The following ANTXR1 variants were observed in gnomAD, a reference collection of about 807,000 sequenced individuals.
ANTXR1 encodes anthrax toxin receptor 1.
Under a neutral mutation model 78.1 loss-of-function variants are expected in ANTXR1, and 19 were observed. That is an observed-to-expected ratio of 0.24 (90% CI 0.17 to 0.36). The LOEUF is 0.36. ANTXR1 is among the 10% of genes least tolerant of loss of function. The pLI is 1.00. For missense variants in ANTXR1, 518 were observed against 718.6 expected, an observed-to-expected ratio of 0.72 and a Z score of 3.19; for synonymous variants, 273 against 260.5, an observed-to-expected ratio of 1.05 and a Z score of -0.46.
At chr2:69,044,649 C>T (rs564340907) in intron 2 of ANTXR1, 93 bp from the exon 3 acceptor site, 19 of 1,365,700 alleles carry the variant, frequency 1.4e-5, no homozygotes, top group East Asian at 1.2e-4. Context: ...TTCTGGCAGC[C>T]GTGATAGAAA....
intron 16 of ANTXR1, chr2:69,183,004 G>T: frequency 3.5e-6 from 1 of 286,246 alleles, no homozygotes; most frequent in Non-Finnish European, 6.5e-6. Context: ...AAATCACCAT[G>T]GCAAGGTACT....
At chr2:69,200,091 A>G (rs1042842099) in intron 17 of ANTXR1, among the ~76,000 whole-genome samples, 2 of 152,252 alleles carry the variant, frequency 1.3e-5, no homozygotes, top group Non-Finnish European at 1.5e-5. Context: ...TTTTACTCCA[A>G]ATCGAACTCC....
At chr2:69,058,012 C>T (rs1670115560) in intron 3 of ANTXR1, among the ~76,000 whole-genome samples, 1 of 152,162 alleles carries the variant, frequency 6.6e-6, no homozygotes. Context: ...AAAGCTCTAA[C>T]TCTATTTCTA....
intron 17 of ANTXR1, among the ~76,000 whole-genome samples, chr2:69,210,445 T>G (rs1219085774): frequency 1.3e-5 from 2 of 152,244 alleles, no homozygotes; most frequent in Non-Finnish European, 2.9e-5. Context: ...AAAATGATTT[T>G]ATTCTTTCAC....
At chr2:69,165,773 T>C (rs1328816651) in intron 13 of ANTXR1, among the ~76,000 whole-genome samples, 2 of 152,194 alleles carry the variant, frequency 1.3e-5, no homozygotes, top group Non-Finnish European at 2.9e-5. Flanking sequence ...CACAAGACTG[T>C]AACAGTAGAG....
chr2:69,060,952 G>A (rs1670217658), intron 3 of ANTXR1, among the ~76,000 whole-genome samples: 1 of 152,116 alleles, frequency 6.6e-6, no homozygotes, highest in African/African-American at 2.4e-5. Context: ...AGGAAACTGA[G>A]AAATATTTAA....
Position 69,013,622 on chromosome 2 carries a change from C to T in ANTXR1, c.123C>T (p.Gly41=). ...RREDGGPACY[G]GFDLYFILDK... is the part of the protein sequence containing the mutation. ...AGGATGGGGGTCCAGCCTGCTACGG[C>T]GGATTTGACCTGTACTTCATTTTGG... Residue 41 remains glycine, a synonymous_variant, in exon 1 of 18, where the codon GGC becomes GGT. Coordinates refer to ENST00000303714, the MANE Select transcript of ANTXR1 (RefSeq NM_032208.3). The surrounding 1 kb of genome is among the most constrained non-coding windows in gnomAD (Gnocchi z 5.0). The T allele has an allele frequency of 6.4e-7, 1 of 1,555,332 alleles. No individual in the cohort carries two copies. Among genetic ancestry groups the T allele is most frequent in the Non-Finnish European group, 8.7e-7 (1 of 1,148,506 alleles).
intron 16 of ANTXR1, among the ~76,000 whole-genome samples, chr2:69,189,917 G>GATTTAATTGTAATTATTTTTAGGT: frequency 6.6e-6 from 1 of 152,310 alleles, no homozygotes; most frequent in East Asian, 1.9e-4. Context: ...TTACAATTAA[G>GATTTAATTGTAATTATTTTTAGGT]ATTTAATAGG....
chr2:69,106,462 G>C (rs932205592), intron 10 of ANTXR1, among the ~76,000 whole-genome samples: 1 of 152,218 alleles, frequency 6.6e-6, no homozygotes, highest in Non-Finnish European at 1.5e-5. Context: ...GCCAGGCTGC[G>C]GGCTGTGACC....
At chr2:69,130,405 A>T (rs1458029472) in intron 12 of ANTXR1, among the ~76,000 whole-genome samples, 1 of 152,210 alleles carries the variant, frequency 6.6e-6, no homozygotes, top group Non-Finnish European at 1.5e-5. Flanking sequence ...CTGTTTAGAG[A>T]AATGCCATTT....
At chr2:69,072,818 C>A (rs984203466) in intron 5 of ANTXR1, among the ~76,000 whole-genome samples, 1 of 152,214 alleles carries the variant, frequency 6.6e-6, no homozygotes. Flanking sequence ...AATGAGAAAG[C>A]AAAACCTATT....
chr2:69,183,213 G>A (rs11886208), intron 16 of ANTXR1, among the ~76,000 whole-genome samples: 2,325 of 152,210 alleles, frequency 0.015, 57 homozygotes, highest in African/African-American at 0.053. Context: ...TCCTGCCAGT[G>A]TATCAGGGCC....
intron 3 of ANTXR1, among the ~76,000 whole-genome samples, chr2:69,069,379 G>A (rs932076973): frequency 6.6e-6 from 1 of 152,088 alleles, no homozygotes; most frequent in African/African-American, 2.4e-5. Context: ...GTGAAATGGC[G>A]GTAACAATAG....
chr2:69,112,248 G>A lies in ANTXR1; in HGVS notation c.802+9308G>A, dbSNP rs1011935883. On this transcript the variant is annotated intron_variant, in intron 10 of 17. Coordinates refer to ENST00000303714, the MANE Select transcript of ANTXR1 (RefSeq NM_032208.3). ...TGTATTATCTCATTTCATCATCACC[G>A]CAGCCCAAAGAGGGAGGAGTTATTT... Among the ~76,000 whole-genome samples, 6 of 152,104 alleles carry A rather than the reference G, an allele frequency of 3.9e-5. No homozygotes were observed. In the East Asian group the frequency reaches 7.7e-4, roughly 20 times the overall value.
intron 1 of ANTXR1, among the ~76,000 whole-genome samples, chr2:69,027,277 C>T (rs1015710303): frequency 2.6e-5 from 4 of 152,166 alleles, no homozygotes; most frequent in South Asian, 2.1e-4. Context: ...TGAGTCCTCC[C>T]GCCAGATCGC....
chr2:69,146,073 T>A, intron 12 of ANTXR1: 5 of 985,496 alleles, frequency 5.1e-6, no homozygotes, highest in Non-Finnish European at 6.0e-6. Context: ...TCAGAGAATG[T>A]CATCCCTAAT....
intron 17 of ANTXR1, among the ~76,000 whole-genome samples, chr2:69,195,774 A>G (rs1558638080): frequency 6.6e-6 from 1 of 152,230 alleles, no homozygotes; most frequent in Non-Finnish European, 1.5e-5. Flanking sequence ...TGAGAAAAAA[A>G]TAATAATAAG....
chr2:69,205,805 C>T (rs2104491622), intron 17 of ANTXR1, among the ~76,000 whole-genome samples: 1 of 152,270 alleles, frequency 6.6e-6, no homozygotes, highest in African/African-American at 2.4e-5. Context: ...CTTCTAGGGA[C>T]ATGTCCAGAT....
At chr2:69,224,625 A>G (rs6751798) in intron 17 of ANTXR1, among the ~76,000 whole-genome samples, 68,528 of 151,746 alleles carry the variant, frequency 0.45, 15,829 homozygotes, top group East Asian at 0.72. Context: ...TCTCTTGACC[A>G]GAGCATAAAG....
Sources: allele counts gnomAD v4.1 joint callset (sites outside exome capture counted in the v4.1 genomes callset), GRCh38; gene constraint gnomAD v4.1.1; non-coding constraint Gnocchi (gnomAD v3.1); transcripts MANE v1.5; gene names NCBI Gene and HGNC (gene_info 2026-07-23, HGNC 2026-07-21).